Variants in ATG5 observed in about 807,000 individuals in gnomAD.
The protein encoded by ATG5 is autophagy protein 5.
ATG5 carries 14 observed loss-of-function variants against 36.5 expected under a neutral mutation model. The ratio of observed to expected loss-of-function variants is 0.38; its 90% CI spans 0.25 to 0.60. ATG5 has a LOEUF of 0.60. ATG5 is among the 20% of genes least tolerant of loss of function. The probability of loss-of-function intolerance (pLI) is 0.60; values close to 1 mark genes in which losing one functional copy is unlikely to be tolerated. For missense variants in ATG5, 195 were observed against 326.7 expected, an observed-to-expected ratio of 0.60 and a Z score of 3.11; for synonymous variants, 95 against 101.5, an observed-to-expected ratio of 0.94 and a Z score of 0.38.
chr6:106,324,424 C>A (rs917898645), intron 1 of ATG5, among the ~76,000 whole-genome samples: 1 of 152,152 alleles, frequency 6.6e-6, no homozygotes, highest in Admixed American at 6.5e-5. Flanking sequence ...GGTCCTGGAA[C>A]CAATCTCCCA....
intron 6 of ATG5, among the ~76,000 whole-genome samples, chr6:106,229,332 G>T (rs2114455772): frequency 6.6e-6 from 1 of 152,258 alleles, no homozygotes; most frequent in East Asian, 1.9e-4. Context: ...CACCACCCTT[G>T]CCAGGGCCCC....
chr6:106,290,436 T>C (rs1780260118), intron 4 of ATG5, among the ~76,000 whole-genome samples: 1 of 151,942 alleles, frequency 6.6e-6, no homozygotes, highest in Non-Finnish European at 1.5e-5. Flanking sequence ...TCCTCCTGCC[T>C]CAGCCTCCCA....
intron 1 of ATG5, among the ~76,000 whole-genome samples, chr6:106,323,384 C>T (rs1771173018): frequency 6.6e-6 from 1 of 150,634 alleles, no homozygotes; most frequent in Non-Finnish European, 1.5e-5. Flanking sequence ...ATCCTCCCCT[C>T]CCATCTCAGC....
At chr6:106,275,120 T>C (rs539154678) in intron 5 of ATG5, among the ~76,000 whole-genome samples, 137 of 152,320 alleles carry the variant, frequency 9.0e-4, no homozygotes, top group Middle Eastern at 3.4e-3. Flanking sequence ...GAAAGCTTCT[T>C]ATAGAAAGTG....
intron 6 of ATG5, among the ~76,000 whole-genome samples, chr6:106,233,015 T>A (rs1466541008): frequency 6.6e-6 from 1 of 152,222 alleles, no homozygotes; most frequent in Non-Finnish European, 1.5e-5. Flanking sequence ...GAGCCGGTTC[T>A]CATACCTGGG....
intron 1 of ATG5, among the ~76,000 whole-genome samples, chr6:106,324,440 G>A (rs189396568): frequency 6.6e-6 from 1 of 152,284 alleles, no homozygotes; most frequent in Admixed American, 6.5e-5. Flanking sequence ...TCCCACAGAT[G>A]CCGAGGGACA....
intron 7 of ATG5, among the ~76,000 whole-genome samples, chr6:106,192,741 G>A (rs527782092): frequency 6.6e-6 from 1 of 152,176 alleles, no homozygotes; most frequent in South Asian, 2.1e-4. Flanking sequence ...TAATACTGAA[G>A]GTAAAATTTC....
At chr6:106,276,319 C>A (rs1307983193) in intron 5 of ATG5, among the ~76,000 whole-genome samples, 1 of 152,040 alleles carries the variant, frequency 6.6e-6, no homozygotes, top group Non-Finnish European at 1.5e-5. Flanking sequence ...AAAAAATTAG[C>A]CAGGCACGGT....
At chr6:106,195,388 A>G (rs769378713) in intron 7 of ATG5, among the ~76,000 whole-genome samples, 3 of 152,198 alleles carry the variant, frequency 2.0e-5, no homozygotes, top group Non-Finnish European at 4.4e-5. Context: ...AAAATGCTTC[A>G]TGTTTGACAC....
intron 5 of ATG5, among the ~76,000 whole-genome samples, chr6:106,266,109 TAAAG>T (rs1472397441): frequency 6.7e-6 from 1 of 149,692 alleles, no homozygotes; most frequent in African/African-American, 2.5e-5. Flanking sequence ...GCTAGACTAA[TAAAG>T]AAGAAAAGAG....
At chr6:106,288,821 A>G (rs1488756360) in intron 4 of ATG5, among the ~76,000 whole-genome samples, 1 of 152,218 alleles carries the variant, frequency 6.6e-6, no homozygotes, top group Non-Finnish European at 1.5e-5. Context: ...AAACATTATA[A>G]ACCTATACAA....
chr6:106,248,846 G>C (rs980599888), intron 5 of ATG5, among the ~76,000 whole-genome samples: 1 of 152,158 alleles, frequency 6.6e-6, no homozygotes, highest in Non-Finnish European at 1.5e-5. Context: ...GCTGAGGCAG[G>C]AGAATTGCTT....
At chr6:106,192,857 TC>T (rs1157101103) in intron 7 of ATG5, among the ~76,000 whole-genome samples, 1 of 152,174 alleles carries the variant, frequency 6.6e-6, no homozygotes, top group Admixed American at 6.5e-5. Flanking sequence ...TTCTTTAACC[TC>T]TGATATGTTC....
Position 106,305,571 on chromosome 6 carries a change from T to A in ATG5, c.236+2793A>T, listed in dbSNP as rs1243553760. Among the ~76,000 whole-genome samples the A allele has an allele frequency of 2.0e-5, 3 of 152,316 alleles. No homozygotes were observed. In the East Asian group the frequency reaches 5.8e-4, roughly 29 times the overall value. ...TCTTTCTTCCCTCACTTATGAGTTG[T>A]CTCAACTGGCGACTAATTTCCTTTC... On this transcript the variant is annotated intron_variant, in intron 3 of 7. Coordinates refer to ENST00000369076, the MANE Select transcript of ATG5 (RefSeq NM_004849.4).
intron 1 of ATG5, among the ~76,000 whole-genome samples, chr6:106,319,608 A>C (rs534318752): frequency 6.6e-6 from 1 of 152,302 alleles, no homozygotes; most frequent in South Asian, 2.1e-4. Context: ...TTTAGGACCC[A>C]GCTCAAAATA....
chr6:106,253,296 C>T (rs1014999084), intron 5 of ATG5, among the ~76,000 whole-genome samples: 1 of 152,102 alleles, frequency 6.6e-6, no homozygotes, highest in Non-Finnish European at 1.5e-5. Flanking sequence ...AGTAGGTGGG[C>T]CCAGTGGGCT....
Position 106,262,365 on chromosome 6 carries a change from G to T in ATG5, c.479-14121C>A, listed in dbSNP as rs538518816. ...AGGCATGAGCCACTGCACCCGGCCG[G>T]TCTAGGGTATATTTCTAATCAGTTC... is the stretch of plus-strand genomic sequence containing the variant. On this transcript the variant is annotated intron_variant, in intron 5 of 7. Coordinates refer to ENST00000369076, the MANE Select transcript of ATG5 (RefSeq NM_004849.4). Among the ~76,000 whole-genome samples, 3 of 152,200 alleles carry T rather than the reference G, an allele frequency of 2.0e-5. No individual in the cohort carries two copies. In the East Asian group the frequency reaches 5.8e-4, roughly 29 times the overall value.
At chr6:106,200,872 G>T (rs1776401145) in intron 7 of ATG5, among the ~76,000 whole-genome samples, 2 of 148,876 alleles carry the variant, frequency 1.3e-5, no homozygotes, top group South Asian at 4.2e-4. Context: ...TTCAAGAGCA[G>T]CAGGACATTT....
intron 4 of ATG5, 63 bp from the exon 5 acceptor site, chr6:106,279,886 AAG>A: frequency 6.3e-6 from 7 of 1,115,618 alleles, no homozygotes; most frequent in Non-Finnish European, 8.3e-6. Context: ...AACCTCTTAA[AAG>A]AGAACTATAT....
Sources: allele counts gnomAD v4.1 joint callset (sites outside exome capture counted in the v4.1 genomes callset), GRCh38; gene constraint gnomAD v4.1.1; transcripts MANE v1.5; gene names NCBI Gene and HGNC (gene_info 2026-07-23, HGNC 2026-07-21).